DAB1: variants seen among roughly 807,000 people sequenced by gnomAD.
DAB1 encodes DAB adaptor protein 1, also known as disabled homolog 1.
DAB1 carries 15 observed loss-of-function variants against 64.6 expected under a neutral mutation model. The ratio of observed to expected loss-of-function variants is 0.23; its 90% CI spans 0.16 to 0.36. DAB1 has a LOEUF of 0.36. Ranked by LOEUF, DAB1 falls within the 10% of genes least tolerant of loss-of-function variation. DAB1 has a pLI of 1.00. For synonymous variants in DAB1, 235 were observed against 251.9 expected, an observed-to-expected ratio of 0.93 and a Z score of 0.64; for missense variants, 596 against 706.7, an observed-to-expected ratio of 0.84 and a Z score of 1.78.
intron 3 of DAB1, among the ~76,000 whole-genome samples, chr1:58,469,228 T>C (rs1645329046): frequency 6.6e-6 from 1 of 152,202 alleles, no homozygotes; most frequent in African/African-American, 2.4e-5. Flanking sequence ...ACCTGCATTT[T>C]ATTCTCATCT....
At chr1:58,026,736 C>T (rs1646900932) in intron 5 of DAB1, among the ~76,000 whole-genome samples, 3 of 152,162 alleles carry the variant, frequency 2.0e-5, no homozygotes, top group Admixed American at 2.0e-4. Flanking sequence ...ATGGGTTGCT[C>T]CTTTCCCTGA....
chr1:58,460,301 G>A (rs528694402), intron 3 of DAB1, among the ~76,000 whole-genome samples: 1 of 152,292 alleles, frequency 6.6e-6, no homozygotes, highest in Non-Finnish European at 1.5e-5. Flanking sequence ...TGGTAGAGAT[G>A]CACACACGTG....
At chr1:57,342,881 C>T (rs570040297) in intron 1 of DAB1, among the ~76,000 whole-genome samples, 8 of 152,224 alleles carry the variant, frequency 5.3e-5, no homozygotes, top group African/African-American at 1.4e-4. Flanking sequence ...CAGACCTTTG[C>T]GGTGAGTATT....
chr1:57,773,302 C>G (rs1394549850), intron 6 of DAB1, among the ~76,000 whole-genome samples: 2 of 151,358 alleles, frequency 1.3e-5, no homozygotes, highest in Non-Finnish European at 2.9e-5. Context: ...ATATTTTGCC[C>G]ATTTTGAATT....
At chr1:57,113,891 A>G (rs1655882100) in intron 4 of DAB1, among the ~76,000 whole-genome samples, 1 of 152,224 alleles carries the variant, frequency 6.6e-6, no homozygotes, top group Non-Finnish European at 1.5e-5. Context: ...ACTCATAAAT[A>G]CCACTACTCC....
intron 5 of DAB1, among the ~76,000 whole-genome samples, chr1:58,019,849 C>A (rs549086566): frequency 6.6e-6 from 1 of 152,220 alleles, no homozygotes; most frequent in South Asian, 2.1e-4. Flanking sequence ...GACTGGGTAA[C>A]CTTTGTAATC....
chr1:57,809,936 C>T (rs1651539088), intron 6 of DAB1, among the ~76,000 whole-genome samples: 1 of 152,112 alleles, frequency 6.6e-6, no homozygotes, highest in African/African-American at 2.4e-5. Flanking sequence ...CCCTGAAGGT[C>T]CAGCTAATCA....
chr1:57,687,595 G>GAA (rs1646713667), intron 6 of DAB1, among the ~76,000 whole-genome samples: 1 of 16,432 alleles, frequency 6.1e-5, no homozygotes, highest in African/African-American at 3.7e-4. Flanking sequence ...GTAATCTTAA[G>GAA]AAACAAAAAA....
At chr1:57,466,250 G>A (rs1263977163) in intron 7 of DAB1, among the ~76,000 whole-genome samples, 1 of 152,078 alleles carries the variant, frequency 6.6e-6, no homozygotes, top group South Asian at 2.1e-4. Context: ...AGAGCATATT[G>A]GAATTTGTAA....
rs550401408 is a variant in DAB1, at chr1:57,637,575, G to C, written n.625+12017C>G. ...TATCAAAACCAAGGCAGGTCGGCAG[G>C]TGAGGGTAACATGGGAGGCAGGGTT... On this transcript the variant is annotated intron_variant and non_coding_transcript_variant, in intron 7 of 20. Coordinates refer to the DAB1 transcript ENST00000485760. Among the ~76,000 whole-genome samples, 439 of 152,300 alleles carry C rather than the reference G, an allele frequency of 2.9e-3. 3 individuals carry two copies. The highest frequency in any genetic ancestry group is 0.01 in the African/African-American group (424 of 41,562).
intron 3 of DAB1, among the ~76,000 whole-genome samples, chr1:58,505,118 A>G (rs1645966897): frequency 6.6e-6 from 1 of 152,078 alleles, no homozygotes; most frequent in Non-Finnish European, 1.5e-5. Flanking sequence ...ACGCCCGCCT[A>G]ATTTTGTATT....
intron 3 of DAB1, among the ~76,000 whole-genome samples, chr1:58,371,759 C>T (rs1381288837): frequency 1.3e-5 from 2 of 152,196 alleles, no homozygotes; most frequent in African/African-American, 2.4e-5. Context: ...CCACCTCCCA[C>T]TGTTGCTAAA....
intron 3 of DAB1, among the ~76,000 whole-genome samples, chr1:58,467,724 GT>G (rs1645310259): frequency 6.6e-6 from 1 of 152,176 alleles, no homozygotes. Context: ...GAAACAATTT[GT>G]TGGGCATGAT....
chr1:57,238,890 CA>C (rs1320123002), intron 2 of DAB1, among the ~76,000 whole-genome samples: 152 of 151,792 alleles, frequency 1.0e-3, no homozygotes, highest in Middle Eastern at 3.4e-3. Context: ...CACACACACA[CA>C]CACCCCTAAC....
intron 7 of DAB1, among the ~76,000 whole-genome samples, chr1:57,455,409 T>C (rs1686550816): frequency 6.6e-6 from 1 of 152,054 alleles, no homozygotes; most frequent in South Asian, 2.1e-4. Flanking sequence ...ACTTGTAGAG[T>C]CTGATGCTGG....
rs575301510 is a variant in DAB1, at chr1:57,563,992, C to T, written n.625+85600G>A. ...TCTGAGAATGGAGAGACTGCCTCCT[C>T]AAGTGGGTCCCTGACCCCTGAGTAG... On this transcript the variant is annotated intron_variant and non_coding_transcript_variant, in intron 7 of 20. Coordinates refer to the DAB1 transcript ENST00000485760. 1.3e-3 allele frequency among the ~76,000 whole-genome samples: 196 copies of T among 152,316 alleles called. 1 individual carries two copies. Among genetic ancestry groups the T allele is most frequent in the Non-Finnish European group, 2.0e-3 (135 of 68,032 alleles).
At chr1:57,787,502 A>G (rs1650390144) in intron 6 of DAB1, among the ~76,000 whole-genome samples, 2 of 152,168 alleles carry the variant, frequency 1.3e-5, no homozygotes, top group African/African-American at 4.8e-5. Context: ...CACACAATAT[A>G]CAAAAATTAA....
chr1:58,259,281 T>C (rs1213426052), intron 4 of DAB1, among the ~76,000 whole-genome samples: 1 of 152,170 alleles, frequency 6.6e-6, no homozygotes, highest in Non-Finnish European at 1.5e-5. Context: ...CAGGATTTCA[T>C]GAGAAGTTCC....
intron 9 of DAB1, among the ~76,000 whole-genome samples, chr1:57,036,716 G>A (rs572162704): frequency 2.4e-4 from 36 of 151,852 alleles, no homozygotes; most frequent in African/African-American, 7.7e-4. Context: ...AAATTTACTC[G>A]CAACTTAAGC....
Sources: gnomAD v4.1 joint callset for allele counts (sites outside exome capture counted in the v4.1 genomes callset) on GRCh38, gnomAD v4.1.1 for gene constraint, MANE v1.5 for transcripts, NCBI Gene and HGNC (gene_info 2026-07-23, HGNC 2026-07-21) for gene names.